The following GRIA2 variants were observed in gnomAD, a reference collection of about 807,000 sequenced individuals.
GRIA2 encodes the protein glutamate ionotropic receptor AMPA type subunit 2.
GRIA2 carries 14 observed loss-of-function variants against 97.3 expected under a neutral mutation model. The observed-to-expected ratio is 0.14, with a 90% CI of 0.10 to 0.23. The LOEUF is 0.23. Among genes scored for constraint, GRIA2 ranks in the 10% least tolerant of loss-of-function variants. The pLI, the probability that GRIA2 is intolerant of heterozygous loss-of-function variation, is 1.00. For synonymous variants in GRIA2, 412 were observed against 387.8 expected, an observed-to-expected ratio of 1.06 and a Z score of -0.73; for missense variants, 558 against 1,069.8, an observed-to-expected ratio of 0.52 and a Z score of 6.67.
At chr4:157,333,713 G>A (rs993276933) in intron 8 of GRIA2, among the ~76,000 whole-genome samples, 1 of 151,946 alleles carries the variant, frequency 6.6e-6, no homozygotes, top group African/African-American at 2.4e-5. Context: ...CCTTTTAGCT[G>A]TTTAGGCTAA....
intron 2 of GRIA2, among the ~76,000 whole-genome samples, chr4:157,245,359 T>C (rs532821852): frequency 6.6e-6 from 1 of 152,238 alleles, no homozygotes; most frequent in East Asian, 1.9e-4. Flanking sequence ...CTGCTTTTCC[T>C]TTCTCTATAT....
At position 157,323,336 on chromosome 4, in the gene GRIA2, CAAAAAAAAAAAAAAAAA is replaced by C. The variant is rs779080483; in HGVS notation, c.882+1751_882+1767del. 1.4e-4 allele frequency among the ~76,000 whole-genome samples: 7 copies of C among 51,436 alleles called. No homozygotes were observed. In the East Asian group the frequency reaches 3.5e-3, roughly 25 times the overall value. The allele number at this position is 51,436 out of a possible 152,430, so 33.7% of individuals were successfully genotyped here. A position where few individuals can be genotyped will look rare whatever the true frequency, so the allele number is the denominator to read the frequency against. On this transcript the variant is annotated intron_variant, in intron 6 of 15. Transcript: ENST00000264426. ...TGGGAGACAGAGCGAGACTCTGTCT[CAAAAAAAAAAAAAAAAA>C]AAAAAAAAAAAAAGACATACTGTTT...
rs5863261 is a variant in GRIA2, at chr4:157,332,527, G to GAA, written c.883-282_883-281dup. 3.0e-4 allele frequency among the ~76,000 whole-genome samples: 44 copies of GAA among 147,014 alleles called. 1 individual carries two copies. The highest frequency in any genetic ancestry group is 4.0e-4 in the East Asian group (2 of 5,028). On this transcript the variant is annotated intron_variant, in intron 6 of 15. Transcript: ENST00000264426. ...TGAGGCTGTAACAAGAAGCAGGTTA[G>GAA]AAAAAAAAAAAGAAAAATAAACACT...
chr4:157,309,239 A>G (rs1277892560), intron 3 of GRIA2, among the ~76,000 whole-genome samples: 2 of 152,186 alleles, frequency 1.3e-5, no homozygotes, highest in East Asian at 3.8e-4. Context: ...CATAGGTTAC[A>G]AAATATTAAT....
intron 2 of GRIA2, among the ~76,000 whole-genome samples, chr4:157,239,297 A>G (rs796507973): frequency 2.0e-5 from 3 of 152,118 alleles, no homozygotes; most frequent in African/African-American, 7.2e-5. Context: ...ATTCTTTTCC[A>G]TGGTTTATTT....
intron 2 of GRIA2, among the ~76,000 whole-genome samples, chr4:157,260,464 T>A (rs1731479917): frequency 6.6e-6 from 1 of 152,086 alleles, no homozygotes; most frequent in African/African-American, 2.4e-5. Context: ...CCTTTCAGCA[T>A]GATCAATGGT....
In GRIA2 at chr4:157,229,987, T is replaced by A. The variant is rs113184188; in HGVS notation, c.229+8180T>A. ...CTGAAATGTGTTTATATAAACTAAG[T>A]ATATTCTATGCTTGTTAAAGCATAG... On this transcript the variant is annotated intron_variant, in intron 2 of 15. Transcript: ENST00000264426. Among the ~76,000 whole-genome samples the A allele has an allele frequency of 8.0e-3, 1,212 of 152,284 alleles. 12 individuals carry two copies. Among genetic ancestry groups the A allele is most frequent in the African/African-American group, 0.028 (1,153 of 41,576 alleles).
chr4:157,226,829 G>A (rs894342564), intron 2 of GRIA2, among the ~76,000 whole-genome samples: 5 of 152,132 alleles, frequency 3.3e-5, no homozygotes, highest in Non-Finnish European at 5.9e-5. Context: ...CTTAAGCAAT[G>A]ATGACAAACC....
At chr4:157,336,224 CT>C (rs981569058) in intron 10 of GRIA2, among the ~76,000 whole-genome samples, 152 bp from the exon 11 acceptor site, 1 of 151,976 alleles carries the variant, frequency 6.6e-6, no homozygotes, top group Non-Finnish European at 1.5e-5. Context: ...GGAATAATTC[CT>C]TTTTGTTTAT....
chr4:157,294,405 T>C (rs1203430012), intron 2 of GRIA2, among the ~76,000 whole-genome samples: 1 of 150,938 alleles, frequency 6.6e-6, no homozygotes, highest in East Asian at 2.0e-4. Flanking sequence ...AGATTGCAGG[T>C]TTTTTAGGCA....
At chr4:157,242,992 A>C (rs932713675) in intron 2 of GRIA2, among the ~76,000 whole-genome samples, 3 of 152,090 alleles carry the variant, frequency 2.0e-5, no homozygotes, top group Non-Finnish European at 4.4e-5. Context: ...CAGTGAAATT[A>C]CTAACAAAAA....
chr4:157,234,566 A>C (rs140358335), intron 2 of GRIA2, among the ~76,000 whole-genome samples: 1 of 152,154 alleles, frequency 6.6e-6, no homozygotes, highest in Non-Finnish European at 1.5e-5. Context: ...ATCTGATACT[A>C]TTCAGTTACC....
At chr4:157,306,264 A>C (rs1378870450) in intron 3 of GRIA2, among the ~76,000 whole-genome samples, 1 of 152,168 alleles carries the variant, frequency 6.6e-6, no homozygotes, top group Non-Finnish European at 1.5e-5. Flanking sequence ...TACAAGTTTA[A>C]AAAAAGAGAA....
In GRIA2 at chr4:157,303,529, T is replaced by G. The variant is rs758846602; in HGVS notation, c.230-23T>G. ...TGTGCCAATTTCAATGATTTTTCCT[T>G]TCTATTTTTCCTATTCTTCTAGTCT... is the stretch of plus-strand genomic sequence containing the variant. On this transcript the variant is annotated intron_variant, in intron 2 of 15. Coordinates refer to ENST00000264426, the MANE Select transcript of GRIA2 (RefSeq NM_001083619.3). The G allele has an allele frequency of 5.0e-6, 8 of 1,604,878 alleles. No homozygotes were observed. The African/African-American group carries it at 8.0e-5, about 16-fold the overall frequency.
intron 2 of GRIA2, among the ~76,000 whole-genome samples, chr4:157,240,354 G>C (rs979133777): frequency 6.6e-6 from 1 of 151,928 alleles, no homozygotes; most frequent in East Asian, 1.9e-4. Flanking sequence ...TTCTAATTTG[G>C]AGCAATTAAT....
intron 2 of GRIA2, among the ~76,000 whole-genome samples, chr4:157,260,617 C>T (rs1034060929): frequency 5.3e-5 from 8 of 152,012 alleles, no homozygotes; most frequent in Admixed American, 4.6e-4. Context: ...AGTAACCTGG[C>T]CACATCTAGA....
At chr4:157,345,161 G>A (rs1735714792) in intron 12 of GRIA2, among the ~76,000 whole-genome samples, 1 of 151,946 alleles carries the variant, frequency 6.6e-6, no homozygotes, top group Non-Finnish European at 1.5e-5. Flanking sequence ...TGTTGGAGAA[G>A]TTCAATTTAA....
chr4:157,317,979 AAAT>A (rs1734399603), intron 5 of GRIA2, among the ~76,000 whole-genome samples: 1 of 152,058 alleles, frequency 6.6e-6, no homozygotes, highest in South Asian at 2.1e-4. Flanking sequence ...CTGTCTCAGA[AAAT>A]AATAATAATA....
At position 157,335,703 on chromosome 4, in the gene GRIA2, T is replaced by G. The variant is rs149002482; in HGVS notation, c.1299T>G (p.His433Gln). Residue 433 changes from histidine to glutamine, a missense_variant, in exon 10 of 16, where the codon CAT becomes CAG. By Grantham distance (24) the His-to-Gln change is conservative. Around this residue, in one of 8 missense-constraint regions of GRIA2, gnomAD observed 41 missense variants for 102.2 expected, o/e 0.40. Coordinates refer to ENST00000264426, the MANE Select transcript of GRIA2 (RefSeq NM_001083619.3). Reference sequence around the variant, plus strand: ...CGTATGTTATGATGAAGAAAAATCATGAAATGCTTGAAGGCAATGAGCGCT... The same window carrying G: ...CGTATGTTATGATGAAGAAAAATCAGGAAATGCTTGAAGGCAATGAGCGCT... Reference protein sequence around the residue: ...ESPYVMMKKNHEMLEGNERYE... With the variant: ...ESPYVMMKKNQEMLEGNERYE... 6.2e-7 allele frequency: 1 copy of G among 1,611,398 alleles called. No individual in the cohort carries two copies. The highest frequency in any genetic ancestry group is 2.2e-5 in the East Asian group (1 of 44,842).
Sources: allele counts gnomAD v4.1 joint callset (sites outside exome capture counted in the v4.1 genomes callset), GRCh38; gene constraint gnomAD v4.1.1; regional missense constraint gnomAD v4.1.1; transcripts MANE v1.5; gene names NCBI Gene and HGNC (gene_info 2026-07-23, HGNC 2026-07-21).